Variants in ITIH5 observed in about 807,000 individuals in gnomAD.
ITIH5 encodes the protein inter-alpha-trypsin inhibitor heavy chain 5, also known as inter-alpha-trypsin inhibitor heavy chain H5.
Under a neutral mutation model 77.5 loss-of-function variants are expected in ITIH5, and 65 were observed. The observed-to-expected ratio is 0.84, with a 90% CI of 0.69 to 1.03. The LOEUF (loss-of-function observed/expected upper bound fraction) is 1.03. Among genes scored for constraint, ITIH5 ranks in the 50% least tolerant of loss-of-function variants. The pLI is 0.00. For missense variants in ITIH5, 1,208 were observed against 1,213.1 expected (o/e 1.00, Z 0.06); for synonymous variants, 525 against 494.3 (o/e 1.06, Z -0.82).
At chr10:7,653,908 A>T (rs1256977968) in intron 2 of ITIH5, among the ~76,000 whole-genome samples, 1 of 152,112 alleles carries the variant, frequency 6.6e-6, no homozygotes, top group East Asian at 1.9e-4. Context: ...TAATCCCAAC[A>T]CTTTGGGAGG....
intron 5 of ITIH5, among the ~76,000 whole-genome samples, chr10:7,629,266 T>C (rs199636333): frequency 0.016 from 1,779 of 113,468 alleles, 65 homozygotes; most frequent in African/African-American, 0.03. Flanking sequence ...GTAGCGTGTG[T>C]CCATGTTGTA....
At chr10:7,616,187 G>A (rs987446927) in intron 6 of ITIH5, 89 bp from the exon 7 acceptor site, 14 of 759,228 alleles carry the variant, frequency 1.8e-5, no homozygotes, top group Non-Finnish European at 2.6e-5. Context: ...ATTTCTAAAA[G>A]TTAAAGCATG....
intron 10 of ITIH5, among the ~76,000 whole-genome samples, chr10:7,575,740 A>G (rs1832397975): frequency 6.6e-6 from 1 of 152,142 alleles, no homozygotes; most frequent in Non-Finnish European, 1.5e-5. Context: ...AATCAAGCAC[A>G]CAATTAAATT....
At chr10:7,577,802 A>G (rs767478266) in intron 9 of ITIH5, among the ~76,000 whole-genome samples, 9 of 152,084 alleles carry the variant, frequency 5.9e-5, no homozygotes, top group South Asian at 4.1e-4. Context: ...TCTGAACTTG[A>G]GTTTCCTTAT....
intron 7 of ITIH5, among the ~76,000 whole-genome samples, chr10:7,597,783 A>G (rs1372347841): frequency 6.6e-6 from 1 of 152,206 alleles, no homozygotes; most frequent in Admixed American, 6.5e-5. Context: ...ATAGTATTAC[A>G]AGATTACAAA....
Position 7,563,339 on chromosome 10 carries a change from C to T in ITIH5, c.2573G>A (p.Gly858Glu), listed in dbSNP as rs1182844323. Residue 858 changes from glycine (G) to glutamate (E), a missense_variant, in exon 14 of 14, where the codon GGG becomes GAG. Gly to Glu is a moderately conservative substitution (Grantham distance 98). Coordinates refer to ENST00000397146, the MANE Select transcript of ITIH5 (RefSeq NM_030569.7). Reference sequence around the variant, plus strand: ...AGGGTGAGTGAGGTTCTGGCTGGGCCCTGCAGGGTCTTCTGTGAGTCTGGC... The same window carrying T: ...AGGGTGAGTGAGGTTCTGGCTGGGCTCTGCAGGGTCTTCTGTGAGTCTGGC... ...QDARLTEDPA[G>E]PSQNLTHPLL... is the part of the protein sequence containing the mutation. 1 of 1,614,080 alleles carries T rather than the reference C, an allele frequency of 6.2e-7. No individual in the cohort carries two copies.
chr10:7,616,108 G>A lies in ITIH5; in HGVS notation c.823-10C>T, dbSNP rs758279674. On this transcript the variant is annotated splice_polypyrimidine_tract_variant and intron_variant, in intron 6 of 13. Coordinates refer to ENST00000397146, the MANE Select transcript of ITIH5 (RefSeq NM_030569.7). Reference sequence around the variant, plus strand: ...AATAGCCATTTAGAACCTGGTGGAGGGAAAAGAAAGTAAAAACGGTAGTAC... The same window carrying A: ...AATAGCCATTTAGAACCTGGTGGAGAGAAAAGAAAGTAAAAACGGTAGTAC... 1.1e-5 allele frequency: 17 copies of A among 1,511,772 alleles called. No homozygotes were observed. The highest frequency in any genetic ancestry group is 1.6e-5 in the Non-Finnish European group (17 of 1,087,214). The allele number at this position is 1,511,772 out of a possible 1,614,324, so 93.6% of individuals were successfully genotyped here. A position where few individuals can be genotyped will look rare whatever the true frequency, so the allele number is the denominator to read the frequency against.
intron 12 of ITIH5, chr10:7,569,344 C>G (rs1970179): frequency 0.21 from 42,766 of 207,982 alleles, 5,482 homozygotes; most frequent in East Asian, 0.42. Context: ...TAAAGCACTT[C>G]AGCATTTAAA....
At position 7,662,525 on chromosome 10, in the gene ITIH5, A is replaced by G. The variant is rs556084196; in HGVS notation, c.90+4278T>C. Among the ~76,000 whole-genome samples the G allele has an allele frequency of 3.3e-5, 5 of 152,334 alleles. No homozygotes were observed. In the South Asian group the frequency reaches 1.0e-3, roughly 32 times the overall value. On this transcript the variant is annotated intron_variant, in intron 1 of 13. Coordinates refer to ENST00000397146, the MANE Select transcript of ITIH5 (RefSeq NM_030569.7). ...ATCGACCTACTCCACTGCTCCTCAG[A>G]TCCAGAAACACCCGGCTGGCATTCC...
chr10:7,655,331 G>A (rs1285441748), intron 2 of ITIH5, among the ~76,000 whole-genome samples: 1 of 151,928 alleles, frequency 6.6e-6, no homozygotes, highest in Non-Finnish European at 1.5e-5. Context: ...CTCATTTCCT[G>A]AGTAAGGATG....
intron 10 of ITIH5, among the ~76,000 whole-genome samples, chr10:7,575,796 A>G (rs1537631): frequency 0.51 from 77,816 of 152,010 alleles, 20,369 homozygotes; most frequent in East Asian, 0.77. Flanking sequence ...AAGGCACTGA[A>G]AAATGGGCAC....
chr10:7,591,996 G>A (rs962909213), intron 7 of ITIH5, among the ~76,000 whole-genome samples: 1 of 152,090 alleles, frequency 6.6e-6, no homozygotes, highest in Admixed American at 6.6e-5. Context: ...TCAGCCTCCT[G>A]AGTAGCTGGG....
At chr10:7,630,016 G>A (rs192642390) in intron 5 of ITIH5, among the ~76,000 whole-genome samples, 6 of 152,276 alleles carry the variant, frequency 3.9e-5, no homozygotes, top group Admixed American at 3.9e-4. Context: ...TTCTATACAT[G>A]TATATTAAAA....
intron 5 of ITIH5, among the ~76,000 whole-genome samples, chr10:7,625,821 T>C (rs1237691362): frequency 6.6e-6 from 1 of 151,672 alleles, no homozygotes; most frequent in Non-Finnish European, 1.5e-5. Flanking sequence ...GCTAAGATGG[T>C]AAATTTTACA....
At chr10:7,568,096 T>C (rs1216881815) in intron 12 of ITIH5, among the ~76,000 whole-genome samples, 1 of 152,202 alleles carries the variant, frequency 6.6e-6, no homozygotes, top group Non-Finnish European at 1.5e-5. Flanking sequence ...CCGTGCTGTC[T>C]GGCTGAATAA....
intron 2 of ITIH5, 114 bp from the exon 3 acceptor site, chr10:7,642,204 G>A (rs1479960491): frequency 1.0e-5 from 8 of 773,486 alleles, no homozygotes; most frequent in Non-Finnish European, 1.2e-5. Context: ...GGGAGCCTTT[G>A]GCATGTGATT....
At chr10:7,565,213 C>T (rs1285352133) in intron 13 of ITIH5, among the ~76,000 whole-genome samples, 1 of 148,354 alleles carries the variant, frequency 6.7e-6, no homozygotes, top group African/African-American at 2.5e-5. Context: ...CATACACACA[C>T]ATCATACATA....
chr10:7,656,257 C>T (rs1264901791), intron 1 of ITIH5, among the ~76,000 whole-genome samples: 1 of 152,176 alleles, frequency 6.6e-6, no homozygotes, highest in East Asian at 1.9e-4. Context: ...CTGTGTTGCT[C>T]AGGTTGGAGG....
At chr10:7,572,116 T>C (rs963633324) in intron 11 of ITIH5, 2 of 1,072,332 alleles carry the variant, frequency 1.9e-6, no homozygotes, top group African/African-American at 1.7e-5. Context: ...ATAAAGCCTG[T>C]GTGTGTGTGT....
Sources: gnomAD v4.1 joint callset for allele counts (sites outside exome capture counted in the v4.1 genomes callset) on GRCh38, gnomAD v4.1.1 for gene constraint, MANE v1.5 for transcripts, NCBI Gene and HGNC (gene_info 2026-07-23, HGNC 2026-07-21) for gene names.